Variants in FRMD4B observed in about 807,000 individuals in gnomAD.
FRMD4B encodes FERM domain-containing protein 4B.
Under a neutral mutation model 141.5 loss-of-function variants are expected in FRMD4B, and 74 were observed. The observed-to-expected ratio is 0.52, with a 90% confidence interval of 0.43 to 0.63. The LOEUF (loss-of-function observed/expected upper bound fraction) is 0.63, where lower values mean the gene tolerates loss of function less well. Ranked by LOEUF, FRMD4B falls within the 30% of genes least tolerant of loss-of-function variation. The pLI is 0.00. For missense variants in FRMD4B, 1,366 were observed against 1,253.4 expected (o/e 1.09, Z -1.36); for synonymous variants, 506 against 467.9 (o/e 1.08, Z -1.05).
At chr3:69,317,878 C>T (rs73103625) in intron 1 of FRMD4B, among the ~76,000 whole-genome samples, 3,670 of 151,942 alleles carry the variant, frequency 0.024, 78 homozygotes, top group Non-Finnish European at 0.038. Context: ...TTTCACTGAT[C>T]CGGGTGAATT....
chr3:69,225,387 G>A (rs994437116), intron 7 of FRMD4B, among the ~76,000 whole-genome samples: 1 of 151,944 alleles, frequency 6.6e-6, no homozygotes, highest in Admixed American at 6.6e-5. Flanking sequence ...TTAAAAAAGG[G>A]AGAACAGGCC....
intron 9 of FRMD4B, among the ~76,000 whole-genome samples, chr3:69,220,725 G>A (rs1481960229): frequency 6.6e-6 from 1 of 152,092 alleles, no homozygotes; most frequent in African/African-American, 2.4e-5. Context: ...GGTGGCATGC[G>A]CCTGTATCAT....
At chr3:69,235,150 A>AAATAATAATAATAAT (rs55995422) in intron 7 of FRMD4B, among the ~76,000 whole-genome samples, 7 of 134,110 alleles carry the variant, frequency 5.2e-5, no homozygotes, top group Middle Eastern at 7.3e-3. Context: ...ACCCTGTCTC[A>AAATAATAATAATAAT]AATAATAATA....
intron 7 of FRMD4B, among the ~76,000 whole-genome samples, chr3:69,233,191 G>A (rs1271239366): frequency 6.6e-6 from 1 of 152,062 alleles, no homozygotes; most frequent in African/African-American, 2.4e-5. Flanking sequence ...AAGCTGTTTA[G>A]AAAGTTAACT....
At chr3:69,491,778 T>A (rs1706304175) in intron 1 of FRMD4B, among the ~76,000 whole-genome samples, 1 of 152,112 alleles carries the variant, frequency 6.6e-6, no homozygotes, top group Admixed American at 6.5e-5. Context: ...CCAGCTAGAT[T>A]CACAAGAGGA....
At chr3:69,372,841 C>T (rs1410740448) in intron 1 of FRMD4B, among the ~76,000 whole-genome samples, 12 of 152,092 alleles carry the variant, frequency 7.9e-5, no homozygotes. Flanking sequence ...TTATTTTTCA[C>T]CATTACCTTA....
At chr3:69,199,220 C>A (rs143476678) in intron 11 of FRMD4B, 401 of 159,668 alleles carry the variant, frequency 2.5e-3, no homozygotes, top group African/African-American at 8.7e-3. Flanking sequence ...TGCAGTGAGC[C>A]CAGATCGCGC....
chr3:69,210,735 C>T (rs991770989), intron 11 of FRMD4B, among the ~76,000 whole-genome samples: 7 of 151,972 alleles, frequency 4.6e-5, no homozygotes, highest in East Asian at 3.9e-4. Context: ...GGGTGGAGGC[C>T]GGGTGTAGTG....
chr3:69,368,368 C>T (rs1400581032), intron 1 of FRMD4B, among the ~76,000 whole-genome samples: 1 of 152,132 alleles, frequency 6.6e-6, no homozygotes, highest in Non-Finnish European at 1.5e-5. Context: ...CTGTTCATCC[C>T]ATTACAACAT....
chr3:69,250,320 T>G (rs1380025987), intron 5 of FRMD4B: 1 of 486,826 alleles, frequency 2.1e-6, no homozygotes, highest in Admixed American at 3.7e-5. Flanking sequence ...TGTGTGTGTC[T>G]ATTTTAAATA....
intron 5 of FRMD4B, among the ~76,000 whole-genome samples, chr3:69,275,117 G>C (rs954970667): frequency 1.3e-5 from 2 of 151,994 alleles, no homozygotes; most frequent in African/African-American, 4.8e-5. Context: ...TTTCAACCAA[G>C]CACTTGATCT....
At chr3:69,437,852 AT>A (rs1351832823) in intron 1 of FRMD4B, among the ~76,000 whole-genome samples, 1 of 129,366 alleles carries the variant, frequency 7.7e-6, no homozygotes, top group Non-Finnish European at 1.5e-5. Context: ...TATATATACT[AT>A]AGTATATATG....
chr3:69,406,148 G>A (rs17005837), intron 2 of FRMD4B, among the ~76,000 whole-genome samples: 2 of 152,106 alleles, frequency 1.3e-5, no homozygotes, highest in Non-Finnish European at 2.9e-5. Context: ...TCCACAAATC[G>A]AACACAAAAA....
chr3:69,279,668 TCTCCTCCTCCTC>T (rs138582024), intron 5 of FRMD4B, among the ~76,000 whole-genome samples: 17 of 77,634 alleles, frequency 2.2e-4, no homozygotes, highest in African/African-American at 6.4e-4. Flanking sequence ...TCCTCCTCCT[TCTCCTCCTCCTC>T]CTCCTCCTCC....
chr3:69,216,349 C>A lies in FRMD4B; in HGVS notation c.790G>T (p.Asp264Tyr). Reference sequence around the variant, plus strand: ...AGCCACCAAGGAAGTCCTTGCTTATCCTAGAAGATGAAAAAGCATGAGAAC... The same window carrying A: ...AGCCACCAAGGAAGTCCTTGCTTATACTAGAAGATGAAAAAGCATGAGAAC... ...TYGVHYYAVK[D>Y]KQGLPWWLGI... The change falls in exon 11 of 23, where the codon GAT becomes TAT. Residue 264 changes from aspartate to tyrosine, a missense_variant and splice_region_variant. Coordinates refer to ENST00000398540, the MANE Select transcript of FRMD4B (RefSeq NM_015123.3). 1 of 1,512,674 alleles carries A rather than the reference C, an allele frequency of 6.6e-7. No individual in the cohort carries two copies. Among genetic ancestry groups the A allele is most frequent in the Non-Finnish European group, 9.1e-7 (1 of 1,101,418 alleles). 93.7% of individuals were successfully genotyped at this position (1,512,674 alleles called of 1,614,324 possible).
intron 4 of FRMD4B, among the ~76,000 whole-genome samples, chr3:69,301,388 C>G (rs913344232): frequency 6.6e-6 from 1 of 151,888 alleles, no homozygotes; most frequent in Admixed American, 6.6e-5. Flanking sequence ...TGCAGTGGTA[C>G]GATCTTGGCT....
intron 1 of FRMD4B, among the ~76,000 whole-genome samples, chr3:69,487,157 A>G (rs1419803809): frequency 6.6e-6 from 1 of 152,182 alleles, no homozygotes; most frequent in East Asian, 1.9e-4. Context: ...CCTGTACTTG[A>G]GCACACTGGG....
chr3:69,383,438 A>G (rs1255263021), intron 1 of FRMD4B, among the ~76,000 whole-genome samples: 8 of 152,230 alleles, frequency 5.3e-5, no homozygotes, highest in Non-Finnish European at 1.2e-4. Context: ...TATTCATAAA[A>G]GCCTTTGTTA....
intron 2 of FRMD4B, among the ~76,000 whole-genome samples, chr3:69,406,470 T>G (rs9829137): frequency 6.6e-6 from 1 of 152,142 alleles, no homozygotes; most frequent in Non-Finnish European, 1.5e-5. Flanking sequence ...CACCAACTGA[T>G]CCTTTAAATA....
Sources: allele counts gnomAD v4.1 joint callset (sites outside exome capture counted in the v4.1 genomes callset), GRCh38; gene constraint gnomAD v4.1.1; transcripts MANE v1.5; gene names NCBI Gene and HGNC (gene_info 2026-07-23, HGNC 2026-07-21).